Variants in MACROD2 observed in about 807,000 individuals in gnomAD.
MACROD2 encodes ADP-ribose glycohydrolase MACROD2.
MACROD2 carries 36 observed loss-of-function variants against 70.4 expected under a neutral mutation model. That is an observed-to-expected ratio of 0.51 (90% CI 0.39 to 0.68). The LOEUF is 0.68. Ranked by LOEUF, MACROD2 falls within the 30% of genes least tolerant of loss-of-function variation. The probability of loss-of-function intolerance (pLI) is 0.00; values close to 1 mark genes in which losing one functional copy is unlikely to be tolerated. For missense variants in MACROD2, 496 were observed against 538.4 expected (o/e 0.92, Z 0.78); for synonymous variants, 172 against 178.8 (o/e 0.96, Z 0.30).
intron 11 of MACROD2, among the ~76,000 whole-genome samples, chr20:15,934,253 T>C (rs2065623763): frequency 6.6e-6 from 1 of 152,166 alleles, no homozygotes; most frequent in African/African-American, 2.4e-5. Context: ...TTAAACCAGG[T>C]AGTGTGATAA....
At chr20:14,116,808 C>A (rs2054519467) in intron 3 of MACROD2, among the ~76,000 whole-genome samples, 2 of 152,180 alleles carry the variant, frequency 1.3e-5, no homozygotes, top group East Asian at 3.9e-4. Flanking sequence ...GTGACTCATG[C>A]CTGTAATCCC....
At chr20:15,579,082 C>G (rs1405624905) in intron 8 of MACROD2, among the ~76,000 whole-genome samples, 1 of 152,138 alleles carries the variant, frequency 6.6e-6, no homozygotes, top group Non-Finnish European at 1.5e-5. Flanking sequence ...ATTTTCAAGA[C>G]AACATTCCAT....
At chr20:14,800,563 A>G (rs1039399504) in intron 5 of MACROD2, among the ~76,000 whole-genome samples, 1 of 152,130 alleles carries the variant, frequency 6.6e-6, no homozygotes, top group African/African-American at 2.4e-5. Flanking sequence ...TTTAAGAGTC[A>G]GTGGAAGGTC....
rs1449159519 is a variant in MACROD2, at chr20:14,493,334, T to C, written c.272-145T>C. 2.4e-5 allele frequency: 12 copies of C among 495,056 alleles called. No individual in the cohort carries two copies. In the Admixed American group the frequency reaches 4.2e-4, roughly 17 times the overall value. The allele number at this position is 495,056 out of a possible 1,614,324, so 30.7% of individuals were successfully genotyped here. On this transcript the variant is annotated intron_variant, in intron 3 of 17. Coordinates refer to ENST00000684519, the MANE Select transcript of MACROD2 (RefSeq NM_001351661.2). ...ACTCTCATAAAATAGTAATACAGGCTGTCTTTAAATGAAAGTAAATATTTT... is the reference window on the plus strand; with the variant it reads ...ACTCTCATAAAATAGTAATACAGGCCGTCTTTAAATGAAAGTAAATATTTT...
intron 5 of MACROD2, among the ~76,000 whole-genome samples, chr20:14,857,460 T>C (rs1410970947): frequency 6.6e-6 from 1 of 152,206 alleles, no homozygotes; most frequent in African/African-American, 2.4e-5. Flanking sequence ...CTAACATTTG[T>C]GCCCATTAAC....
intron 3 of MACROD2, among the ~76,000 whole-genome samples, chr20:14,331,830 C>CTG (rs1337969304): frequency 2.0e-5 from 3 of 152,040 alleles, no homozygotes; most frequent in Non-Finnish European, 4.4e-5. Flanking sequence ...CCTAGAAATA[C>CTG]TGTAGTCAAA....
At chr20:14,632,798 T>C (rs937485339) in intron 4 of MACROD2, among the ~76,000 whole-genome samples, 3 of 152,240 alleles carry the variant, frequency 2.0e-5, no homozygotes, top group Non-Finnish European at 2.9e-5. Flanking sequence ...TATGATAATA[T>C]TTTAATGTAA....
chr20:14,494,793 T>C (rs1208454439), intron 4 of MACROD2, among the ~76,000 whole-genome samples: 3 of 152,166 alleles, frequency 2.0e-5, no homozygotes, highest in Admixed American at 1.3e-4. Flanking sequence ...ATTGCACTTG[T>C]TATTTTATTT....
chr20:14,909,209 T>C (rs1414202243), intron 5 of MACROD2, among the ~76,000 whole-genome samples: 1 of 152,138 alleles, frequency 6.6e-6, no homozygotes, highest in East Asian at 1.9e-4. Flanking sequence ...AACTCTCTTG[T>C]TAACTACTGC....
At chr20:15,651,197 T>C (rs1291096039) in intron 8 of MACROD2, among the ~76,000 whole-genome samples, 1 of 152,194 alleles carries the variant, frequency 6.6e-6, no homozygotes, top group African/African-American at 2.4e-5. Flanking sequence ...AATCCACCCA[T>C]GCAATGGTTG....
chr20:14,566,342 A>G (rs1979802463), intron 4 of MACROD2, among the ~76,000 whole-genome samples: 1 of 151,974 alleles, frequency 6.6e-6, no homozygotes, highest in South Asian at 2.1e-4. Context: ...CAGGAGGATC[A>G]CTTGAGCCCA....
chr20:14,825,230 C>T (rs1306683653), intron 5 of MACROD2, among the ~76,000 whole-genome samples: 1 of 152,004 alleles, frequency 6.6e-6, no homozygotes, highest in African/African-American at 2.4e-5. Context: ...CCAAGTACCG[C>T]TCCTGTGCCA....
At chr20:15,600,968 C>T (rs2048811765) in intron 8 of MACROD2, among the ~76,000 whole-genome samples, 1 of 152,136 alleles carries the variant, frequency 6.6e-6, no homozygotes, top group Admixed American at 6.5e-5. Context: ...AATGTTGTTT[C>T]AGAACTCCTC....
At chr20:15,794,694 G>A (rs1245152386) in intron 8 of MACROD2, among the ~76,000 whole-genome samples, 2 of 152,212 alleles carry the variant, frequency 1.3e-5, no homozygotes, top group Non-Finnish European at 2.9e-5. Context: ...ACGGTCAGGA[G>A]CAAATTGATT....
intron 3 of MACROD2, among the ~76,000 whole-genome samples, chr20:14,251,293 G>A (rs2082010640): frequency 1.3e-5 from 2 of 152,206 alleles, no homozygotes; most frequent in Non-Finnish European, 2.9e-5. Flanking sequence ...CTTTAAGAAA[G>A]AAACTTGAAG....
intron 3 of MACROD2, among the ~76,000 whole-genome samples, chr20:14,161,003 T>G (rs185445655): frequency 6.6e-6 from 1 of 152,190 alleles, no homozygotes; most frequent in African/African-American, 2.4e-5. Context: ...CCCTCTCTCC[T>G]TTTGGAGTCC....
intron 5 of MACROD2, among the ~76,000 whole-genome samples, chr20:15,000,720 A>C (rs1399300503): frequency 1.4e-5 from 2 of 145,446 alleles, no homozygotes; most frequent in Non-Finnish European, 3.0e-5. Flanking sequence ...ACAAGGTAGG[A>C]TTGGTCCACT....
At chr20:15,520,509 C>T (rs2047638269) in intron 8 of MACROD2, among the ~76,000 whole-genome samples, 1 of 146,672 alleles carries the variant, frequency 6.8e-6, no homozygotes, top group African/African-American at 2.7e-5. Context: ...AAAACCAGGA[C>T]ACATTAACAC....
chr20:14,625,986 C>A (rs1479190095), intron 4 of MACROD2, among the ~76,000 whole-genome samples: 1 of 152,040 alleles, frequency 6.6e-6, no homozygotes, highest in East Asian at 1.9e-4. Flanking sequence ...TGATGCCCGG[C>A]TAATTTTTTT....
Sources: allele counts gnomAD v4.1 joint callset (sites outside exome capture counted in the v4.1 genomes callset), GRCh38; gene constraint gnomAD v4.1.1; transcripts MANE v1.5; gene names NCBI Gene and HGNC (gene_info 2026-07-23, HGNC 2026-07-21).